Variants in SORCS3 observed in about 807,000 individuals in gnomAD.
SORCS3 encodes the protein VPS10 domain-containing receptor SorCS3.
SORCS3 carries 57 observed loss-of-function variants against 146.3 expected under a neutral mutation model. The ratio of observed to expected loss-of-function variants is 0.39; its 90% CI spans 0.31 to 0.49. The LOEUF (loss-of-function observed/expected upper bound fraction) is 0.49, where lower values mean the gene tolerates loss of function less well. Ranked by LOEUF, SORCS3 falls within the 20% of genes least tolerant of loss-of-function variation. The probability of loss-of-function intolerance (pLI) is 0.92; values close to 1 mark genes in which losing one functional copy is unlikely to be tolerated. For synonymous variants in SORCS3, 653 were observed against 618.5 expected (o/e 1.06, Z -0.83); for missense variants, 1,341 against 1,575.5 (o/e 0.85, Z 2.52).
chr10:104,904,412 A>G (rs1226185673), intron 2 of SORCS3, among the ~76,000 whole-genome samples: 1 of 152,210 alleles, frequency 6.6e-6, no homozygotes, highest in Non-Finnish European at 1.5e-5. Context: ...CCTTTGAACT[A>G]GTAATTACAC....
intron 1 of SORCS3, among the ~76,000 whole-genome samples, chr10:104,762,433 G>A (rs995814244): frequency 2.0e-5 from 3 of 152,264 alleles, no homozygotes; most frequent in African/African-American, 2.4e-5. Flanking sequence ...AGCTGGCTGC[G>A]GCATACTACT....
intron 1 of SORCS3, among the ~76,000 whole-genome samples, chr10:104,719,127 C>G (rs2016513630): frequency 6.6e-6 from 1 of 152,006 alleles, no homozygotes; most frequent in Non-Finnish European, 1.5e-5. Context: ...TATTTGAAAT[C>G]TTGTATTTGA....
At chr10:104,778,086 G>A (rs1330415535) in intron 1 of SORCS3, among the ~76,000 whole-genome samples, 1 of 152,076 alleles carries the variant, frequency 6.6e-6, no homozygotes, top group East Asian at 1.9e-4. Flanking sequence ...AGTAATATAT[G>A]GTATATTTCA....
intron 11 of SORCS3, 23 bp downstream of exon 11, chr10:105,159,017 T>C (rs570948149): frequency 4.0e-5 from 61 of 1,534,028 alleles, no homozygotes; most frequent in Non-Finnish European, 9.0e-7. Flanking sequence ...TTCCCTGTGC[T>C]TCTTCCTTAC....
intron 3 of SORCS3, among the ~76,000 whole-genome samples, chr10:104,971,050 C>A (rs1423838298): frequency 6.6e-6 from 1 of 152,178 alleles, no homozygotes; most frequent in Non-Finnish European, 1.5e-5. Flanking sequence ...TTGAGTTGAG[C>A]TGGATAATAA....
intron 4 of SORCS3, among the ~76,000 whole-genome samples, chr10:105,025,189 G>T (rs1447464238): frequency 6.6e-6 from 1 of 152,160 alleles, no homozygotes; most frequent in Non-Finnish European, 1.5e-5. Context: ...TGTTTTGTTG[G>T]TGGAGGCAAT....
intron 4 of SORCS3, among the ~76,000 whole-genome samples, chr10:104,982,785 C>A (rs1413338264): frequency 2.0e-5 from 3 of 152,038 alleles, no homozygotes; most frequent in African/African-American, 4.8e-5. Flanking sequence ...ATCAGAGATA[C>A]CCTGTGATAT....
chr10:104,981,852 T>A (rs1239229526), intron 4 of SORCS3, among the ~76,000 whole-genome samples: 1 of 152,178 alleles, frequency 6.6e-6, no homozygotes, highest in African/African-American at 2.4e-5. Flanking sequence ...TAATACCGTT[T>A]ATATTCTTGG....
chr10:104,720,376 T>C (rs61321165), intron 1 of SORCS3, among the ~76,000 whole-genome samples: 2,083 of 152,318 alleles, frequency 0.014, 48 homozygotes, highest in African/African-American at 0.045. Flanking sequence ...CAGTCTATCA[T>C]TGTTGGACAT....
At chr10:104,802,468 A>G (rs2496026) in intron 1 of SORCS3, among the ~76,000 whole-genome samples, 25,941 of 152,166 alleles carry the variant, frequency 0.17, 2,569 homozygotes, top group African/African-American at 0.27. Flanking sequence ...TGATTTCCCC[A>G]AAAAAGTAAT....
intron 1 of SORCS3, among the ~76,000 whole-genome samples, chr10:104,684,026 C>T (rs181861173): frequency 6.6e-6 from 1 of 152,282 alleles, no homozygotes; most frequent in East Asian, 1.9e-4. Flanking sequence ...ATGCTATCAC[C>T]TCCACCAGGA....
chr10:104,956,598 AT>A (rs201381773), intron 3 of SORCS3, among the ~76,000 whole-genome samples: 38 of 148,640 alleles, frequency 2.6e-4, no homozygotes, highest in Admixed American at 4.0e-4. Flanking sequence ...GGTGGAAGTG[AT>A]TTTTTTTTTT....
rs549332852 is a variant in SORCS3 at position 105,154,666 on chromosome 10, C to T, written c.1483-2472C>T. The stretch of plus-strand genomic sequence containing the variant: ...CTCCTTGGATGAGGATGAGTAAAAA[C>T]GCATGTCTCATTCTCCAATTCCTTT... On this transcript the variant is annotated intron_variant, in intron 9 of 26. Transcript: ENST00000369701. Among the ~76,000 whole-genome samples the T allele has an allele frequency of 7.2e-5, 11 of 152,304 alleles. No individual in the cohort carries two copies. The East Asian group carries it at 1.4e-3, about 19-fold the overall frequency.
At chr10:105,123,460 C>T (rs539238563) in intron 7 of SORCS3, among the ~76,000 whole-genome samples, 1 of 152,260 alleles carries the variant, frequency 6.6e-6, no homozygotes, top group South Asian at 2.1e-4. Context: ...CTGAATCTTT[C>T]CTTCCTTTCT....
chr10:105,227,491 A>C (rs1301546587), intron 20 of SORCS3, among the ~76,000 whole-genome samples: 1 of 152,170 alleles, frequency 6.6e-6, no homozygotes, highest in African/African-American at 2.4e-5. Flanking sequence ...AGAATGTTCC[A>C]GGTGCTGATG....
chr10:104,750,275 G>A (rs560736642), intron 1 of SORCS3, among the ~76,000 whole-genome samples: 1 of 152,176 alleles, frequency 6.6e-6, no homozygotes, highest in African/African-American at 2.4e-5. Flanking sequence ...CTTTCGTAAG[G>A]GTCACAGACT....
chr10:104,803,024 G>A (rs1171169720), intron 1 of SORCS3, among the ~76,000 whole-genome samples: 1 of 152,156 alleles, frequency 6.6e-6, no homozygotes, highest in African/African-American at 2.4e-5. Context: ...CATCCACCTT[G>A]TTGCTCTACC....
intron 8 of SORCS3, among the ~76,000 whole-genome samples, chr10:105,140,046 G>T (rs1394407288): frequency 6.6e-6 from 1 of 152,134 alleles, no homozygotes; most frequent in Non-Finnish European, 1.5e-5. Context: ...TTACTTTGGG[G>T]ACCCCATTCC....
chr10:105,066,472 T>C (rs1008174219), intron 5 of SORCS3, among the ~76,000 whole-genome samples: 2 of 152,194 alleles, frequency 1.3e-5, no homozygotes, highest in African/African-American at 2.4e-5. Context: ...CACAAAAGGC[T>C]GCTTTTTCCT....
Sources: gnomAD v4.1 joint callset for allele counts (sites outside exome capture counted in the v4.1 genomes callset) on GRCh38, gnomAD v4.1.1 for gene constraint, MANE v1.5 for transcripts, NCBI Gene and HGNC (gene_info 2026-07-23, HGNC 2026-07-21) for gene names.